Variants in IGSF11 observed in about 807,000 individuals in gnomAD.
The protein encoded by IGSF11 is CXADR like 1.
A neutral mutation model predicts 41.0 loss-of-function variants in IGSF11; 22 were observed. That is an observed-to-expected ratio of 0.54 (90% CI 0.38 to 0.77). The LOEUF is 0.77. Ranked by LOEUF, IGSF11 falls within the 30% of genes least tolerant of loss-of-function variation. The pLI is 0.00. For synonymous variants in IGSF11, 219 were observed against 201.3 expected, an observed-to-expected ratio of 1.09 and a Z score of -0.74; for missense variants, 444 against 530.8, an observed-to-expected ratio of 0.84 and a Z score of 1.61.
chr3:118,923,782 T>C (rs984535215), intron 4 of IGSF11, among the ~76,000 whole-genome samples: 2 of 152,172 alleles, frequency 1.3e-5, no homozygotes, highest in East Asian at 3.8e-4. Context: ...CATAATGAGA[T>C]TTAGGTTATG....
chr3:118,953,450 T>C (rs565792221), intron 1 of IGSF11, among the ~76,000 whole-genome samples: 2 of 152,224 alleles, frequency 1.3e-5, no homozygotes, highest in Admixed American at 6.5e-5. Context: ...GTTCTACTTT[T>C]ATTAATAGTT....
chr3:118,996,890 C>T (rs538098798), intron 1 of IGSF11, among the ~76,000 whole-genome samples: 5 of 152,194 alleles, frequency 3.3e-5, no homozygotes, highest in South Asian at 4.2e-4. Context: ...TGAGCCACCG[C>T]GCCTGGCCGA....
chr3:119,041,534 G>A (rs914015941), intron 1 of IGSF11, among the ~76,000 whole-genome samples: 9 of 152,040 alleles, frequency 5.9e-5, no homozygotes, highest in East Asian at 3.8e-4. Flanking sequence ...GCTGTGAGCC[G>A]AGATCATGCC....
At chr3:119,011,663 C>T (rs1576638042) in intron 1 of IGSF11, among the ~76,000 whole-genome samples, 1 of 152,118 alleles carries the variant, frequency 6.6e-6, no homozygotes, top group Non-Finnish European at 1.5e-5. Context: ...ACCAAGGAGC[C>T]ATATATGTAC....
Position 119,064,034 on chromosome 3 carries a change from G to A in IGSF11, c.49+41110C>T, listed in dbSNP as rs567406896. ...AGTGGTCCAGAAAGTGCAGAGTAGC[G>A]TTAGGTCCTTGGTTGAAAGGAGGAA... is the stretch of plus-strand genomic sequence containing the variant. On this transcript the variant is annotated intron_variant, in intron 1 of 6. Coordinates refer to the IGSF11 transcript ENST00000354673. 2.6e-5 allele frequency among the ~76,000 whole-genome samples: 4 copies of A among 152,256 alleles called. No individual in the cohort carries two copies. In the East Asian group the frequency reaches 5.8e-4, roughly 22 times the overall value.
chr3:118,984,743 C>T (rs1293233684), intron 1 of IGSF11, among the ~76,000 whole-genome samples: 1 of 152,054 alleles, frequency 6.6e-6, no homozygotes, highest in Non-Finnish European at 1.5e-5. Flanking sequence ...AATATGATTT[C>T]CTAAGATCTC....
At chr3:119,105,583 C>T (rs531195566), upstream of IGSF11, among the ~76,000 whole-genome samples, 20 of 152,272 alleles carry the variant, frequency 1.3e-4, no homozygotes, top group South Asian at 3.3e-3. Context: ...CACAACTTAT[C>T]AAAACAGTAA....
At chr3:119,016,515 AT>A (rs925407241) in intron 1 of IGSF11, among the ~76,000 whole-genome samples, 1 of 152,242 alleles carries the variant, frequency 6.6e-6, no homozygotes, top group African/African-American at 2.4e-5. Context: ...GCAAGAAAAT[AT>A]TTAGAATGCT....
chr3:118,938,394 T>C (rs1943438033), intron 1 of IGSF11, among the ~76,000 whole-genome samples: 1 of 152,188 alleles, frequency 6.6e-6, no homozygotes, highest in African/African-American at 2.4e-5. Context: ...CCCCACCCAC[T>C]TCCTGTTATT....
intron 1 of IGSF11, among the ~76,000 whole-genome samples, chr3:119,061,531 G>C (rs1263979140): frequency 6.6e-6 from 1 of 152,076 alleles, no homozygotes; most frequent in African/African-American, 2.4e-5. Context: ...ATTTCATCAG[G>C]CTCCCCAGAA....
At chr3:119,104,438 A>C (rs2076988445) in intron 1 of IGSF11, among the ~76,000 whole-genome samples, 1 of 151,998 alleles carries the variant, frequency 6.6e-6, no homozygotes, top group Non-Finnish European at 1.5e-5. Context: ...GACACTGATC[A>C]CTCCCATTCA....
chr3:118,965,527 T>C (rs1210071696), intron 1 of IGSF11, among the ~76,000 whole-genome samples: 1 of 143,182 alleles, frequency 7.0e-6, no homozygotes, highest in African/African-American at 2.5e-5. Context: ...TTATGCCAGA[T>C]AGAGGTAAAA....
At chr3:119,045,363 G>C (rs985235701) in intron 1 of IGSF11, among the ~76,000 whole-genome samples, 12 of 152,188 alleles carry the variant, frequency 7.9e-5, no homozygotes, top group Admixed American at 3.3e-4. Flanking sequence ...TTCCCTTTCC[G>C]AGTCAAAGAA....
chr3:118,979,135 A>C (rs550867588), intron 1 of IGSF11, among the ~76,000 whole-genome samples: 5 of 152,288 alleles, frequency 3.3e-5, no homozygotes, highest in Admixed American at 3.3e-4. Context: ...CATGGAATGA[A>C]ATACAAAATA....
rs183480429 is a variant in IGSF11 at position 119,098,381 on chromosome 3, A to G, written c.49+6763T>C. Among the ~76,000 whole-genome samples the G allele has an allele frequency of 1.4e-4, 22 of 152,314 alleles. No individual in the cohort carries two copies. The East Asian group carries it at 3.7e-3, about 25-fold the overall frequency. On this transcript the variant is annotated intron_variant, in intron 1 of 6. Coordinates refer to the IGSF11 transcript ENST00000354673. ...ATATTGTAAGCATTCAACGCATGCTATGTGTTACTATGTCTTATAACATAT... is the reference window on the plus strand; with the variant it reads ...ATATTGTAAGCATTCAACGCATGCTGTGTGTTACTATGTCTTATAACATAT...
intron 1 of IGSF11, among the ~76,000 whole-genome samples, chr3:118,946,203 C>A (rs1052539439): frequency 1.4e-5 from 2 of 140,478 alleles, no homozygotes; most frequent in Admixed American, 1.6e-4. Context: ...CACACACACA[C>A]GCACACACAC....
intron 1 of IGSF11, among the ~76,000 whole-genome samples, chr3:119,083,126 C>CTTTTTT (rs79620142): frequency 2.3e-5 from 3 of 129,120 alleles, no homozygotes; most frequent in African/African-American, 3.1e-5. Context: ...TTTCTTTTTT[C>CTTTTTT]TTTTTTTTTT....
chr3:119,145,380 T>C (rs965934272), intron 1 of IGSF11, among the ~76,000 whole-genome samples: 7 of 152,190 alleles, frequency 4.6e-5, no homozygotes, highest in African/African-American at 1.7e-4. Flanking sequence ...TTAAGGTTGA[T>C]TGCAAAGTGG....
chr3:118,994,369 T>G (rs116813632), intron 1 of IGSF11, among the ~76,000 whole-genome samples: 1 of 151,972 alleles, frequency 6.6e-6, no homozygotes, highest in Non-Finnish European at 1.5e-5. Flanking sequence ...ACAAAAGAAA[T>G]AGTGGGGCTG....
Sources: allele counts gnomAD v4.1 joint callset (sites outside exome capture counted in the v4.1 genomes callset), GRCh38; gene constraint gnomAD v4.1.1; transcripts MANE v1.5; gene names NCBI Gene and HGNC (gene_info 2026-07-23, HGNC 2026-07-21).